The following SHISA9 variants were observed in gnomAD, a reference collection of about 807,000 sequenced individuals.
SHISA9 encodes the protein protein shisa-9.
In SHISA9, 13 loss-of-function variants were observed where a neutral mutation model predicts 38.0. The observed-to-expected ratio is 0.34, with a 90% CI of 0.22 to 0.54. The LOEUF is 0.54. SHISA9 is among the 20% of genes least tolerant of loss of function. SHISA9 has a pLI of 0.91. For missense variants in SHISA9, 538 were observed against 575.8 expected (o/e 0.93, Z 0.67); for synonymous variants, 275 against 242.0 (o/e 1.14, Z -1.27).
the SHISA9 span, among the ~76,000 whole-genome samples, chr16:13,321,399 C>T: frequency 1.3e-5 from 2 of 152,192 alleles, no homozygotes; most frequent in Admixed American, 1.3e-4. Flanking sequence ...CATCTTCCTG[C>T]CATAGGCCTG....
At chr16:13,358,746 G>A in the SHISA9 span, among the ~76,000 whole-genome samples, 1 of 152,188 alleles carries the variant, frequency 6.6e-6, no homozygotes, top group Admixed American at 6.5e-5. Context: ...TAAGACTGTT[G>A]ACAGTTATGA....
chr16:13,167,065 C>CTT lies in SHISA9; in HGVS notation c.692-36324_692-36323dup, dbSNP rs1029913159. Among the ~76,000 whole-genome samples the CTT allele has an allele frequency of 2.1e-4, 30 of 142,662 alleles. No homozygotes were observed. The East Asian group carries it at 5.1e-3, about 24-fold the overall frequency. 93.6% of individuals were successfully genotyped at this position (142,662 alleles called of 152,430 possible). ...TACTCTACTTCTTCTCTCTCTCTCT[C>CTT]TTTTTTCTTTTTTTTTTTTTTTTTG... On this transcript the variant is annotated intron_variant, in intron 2 of 4. Transcript: ENST00000558583.
the SHISA9 span, among the ~76,000 whole-genome samples, chr16:13,416,104 A>G: frequency 6.6e-6 from 1 of 152,170 alleles, no homozygotes; most frequent in African/African-American, 2.4e-5. Flanking sequence ...TAACCTATGC[A>G]CCGTTCTGTA....
chr16:13,517,671 G>A, the SHISA9 span, among the ~76,000 whole-genome samples: 1 of 152,156 alleles, frequency 6.6e-6, no homozygotes, highest in South Asian at 2.1e-4. Context: ...GGATCTGGAG[G>A]TGGAAGTACA....
intron 2 of SHISA9, among the ~76,000 whole-genome samples, chr16:13,139,430 C>CTTCCTTCCTTCCTTCCTTCT (rs2050379901): frequency 7.3e-6 from 1 of 137,604 alleles, no homozygotes; most frequent in Admixed American, 7.7e-5. Context: ...TCCTTCCTTC[C>CTTCCTTCCTTCCTTCCTTCT]TTCTTCTCTT....
the SHISA9 span, among the ~76,000 whole-genome samples, chr16:13,345,101 C>G: frequency 2.4e-4 from 37 of 152,066 alleles, no homozygotes; most frequent in Non-Finnish European, 4.3e-4. Context: ...GTACATTAAA[C>G]TTCTTTTTTT....
intron 2 of SHISA9, among the ~76,000 whole-genome samples, chr16:13,108,880 C>G (rs947500071): frequency 6.6e-6 from 1 of 152,128 alleles, no homozygotes; most frequent in Non-Finnish European, 1.5e-5. Flanking sequence ...CTCAATGTTT[C>G]TCCTAAAGTG....
the SHISA9 span, among the ~76,000 whole-genome samples, chr16:13,378,368 C>T: frequency 2.0e-5 from 3 of 152,170 alleles, no homozygotes; most frequent in African/African-American, 7.2e-5. Context: ...GGCAGGATGA[C>T]TGTACATTCC....
chr16:13,018,353 G>C (rs1381029212), intron 2 of SHISA9, among the ~76,000 whole-genome samples: 2 of 152,228 alleles, frequency 1.3e-5, no homozygotes, highest in African/African-American at 4.8e-5. Flanking sequence ...TCCTGAAGAA[G>C]CTGTCGCAAT....
the SHISA9 span, among the ~76,000 whole-genome samples, chr16:13,293,524 G>A: frequency 6.6e-6 from 1 of 152,174 alleles, no homozygotes; most frequent in Non-Finnish European, 1.5e-5. Context: ...TAAAATGGAG[G>A]AAGTAGTAGA....
the SHISA9 span, among the ~76,000 whole-genome samples, chr16:13,272,221 A>AT: frequency 6.6e-6 from 1 of 152,122 alleles, no homozygotes; most frequent in African/African-American, 2.4e-5. Flanking sequence ...AGCTCAATAA[A>AT]TTTTTTTATA....
At chr16:13,518,033 G>A in the SHISA9 span, among the ~76,000 whole-genome samples, 1 of 152,158 alleles carries the variant, frequency 6.6e-6, no homozygotes, top group Non-Finnish European at 1.5e-5. Flanking sequence ...GAGGAAGCCA[G>A]TCTGGTGAAT....
chr16:13,037,081 CACCACACCACACA>C (rs2073078153), intron 2 of SHISA9, among the ~76,000 whole-genome samples: 1 of 88,632 alleles, frequency 1.1e-5, no homozygotes, highest in African/African-American at 4.4e-5. Context: ...CACACACACA[CACCACACCACACA>C]CACACACACA....
intron 2 of SHISA9, among the ~76,000 whole-genome samples, chr16:13,004,375 G>T (rs975579001): frequency 6.6e-6 from 1 of 152,228 alleles, no homozygotes; most frequent in Non-Finnish European, 1.5e-5. Context: ...AGAACCAGAG[G>T]CATAGTCAGT....
the SHISA9 span, among the ~76,000 whole-genome samples, chr16:13,383,254 G>A: frequency 2.0e-5 from 3 of 152,234 alleles, no homozygotes; most frequent in Non-Finnish European, 2.9e-5. Flanking sequence ...TCTGGAGGAC[G>A]TGGGAATGGA....
chr16:13,064,489 C>G (rs1163319626), intron 2 of SHISA9, among the ~76,000 whole-genome samples: 1 of 152,194 alleles, frequency 6.6e-6, no homozygotes, highest in South Asian at 2.1e-4. Context: ...AATAATAATA[C>G]AAGAATTTTA....
chr16:12,908,105 A>G (rs1436403113), intron 1 of SHISA9, among the ~76,000 whole-genome samples: 1 of 121,540 alleles, frequency 8.2e-6, no homozygotes, highest in Non-Finnish European at 1.8e-5. Flanking sequence ...CAGGGCTTGG[A>G]AAACAATGAG....
chr16:13,243,575 A>G (rs1012847798), downstream of SHISA9, among the ~76,000 whole-genome samples: 3 of 152,138 alleles, frequency 2.0e-5, no homozygotes, highest in Non-Finnish European at 2.9e-5. Context: ...CCAAAGTTTT[A>G]TCATGAAGAT....
chr16:12,953,474 C>G (rs2071787425), intron 2 of SHISA9, among the ~76,000 whole-genome samples: 2 of 152,146 alleles, frequency 1.3e-5, no homozygotes, highest in African/African-American at 4.8e-5. Flanking sequence ...ACACCTAACA[C>G]CAAGCACTCT....
Sources: allele counts gnomAD v4.1 joint callset (sites outside exome capture counted in the v4.1 genomes callset), GRCh38; gene constraint gnomAD v4.1.1; transcripts MANE v1.5; gene names NCBI Gene and HGNC (gene_info 2026-07-23, HGNC 2026-07-21).